Variants in C9 observed in about 807,000 individuals in gnomAD.
C9 encodes complement component C9.
A neutral mutation model predicts 65.4 loss-of-function variants in C9; 63 were observed. The ratio of observed to expected loss-of-function variants is 0.96; its 90% CI spans 0.79 to 1.19. The LOEUF is 1.19. C9 is among the 50% of genes most tolerant of loss of function. The pLI is 0.00. For synonymous variants in C9, 229 were observed against 227.9 expected (o/e 1.00, Z -0.04); for missense variants, 744 against 670.1 (o/e 1.11, Z -1.22).
intron 1 of C9, among the ~76,000 whole-genome samples, chr5:39,353,594 C>T (rs932990054): frequency 1.3e-5 from 2 of 152,166 alleles, no homozygotes; most frequent in African/African-American, 4.8e-5. Context: ...TTTCTATATA[C>T]ATATTCTTAT....
At chr5:39,347,484 C>G (rs907507987) in intron 1 of C9, among the ~76,000 whole-genome samples, 1 of 152,158 alleles carries the variant, frequency 6.6e-6, no homozygotes, top group Non-Finnish European at 1.5e-5. Context: ...AGGACCTCTT[C>G]AAAGAGAACT....
At chr5:39,348,594 A>C (rs1554051555) in intron 1 of C9, among the ~76,000 whole-genome samples, 1 of 152,168 alleles carries the variant, frequency 6.6e-6, no homozygotes, top group Non-Finnish European at 1.5e-5. Context: ...TAGTTCAACC[A>C]TTGTGGAAGT....
intron 5 of C9, among the ~76,000 whole-genome samples, chr5:39,318,861 C>A (rs1208367332): frequency 6.6e-6 from 1 of 152,138 alleles, no homozygotes; most frequent in Non-Finnish European, 1.5e-5. Flanking sequence ...TAACCATTGC[C>A]ACTTCCCTAC....
chr5:39,290,380 C>T (rs1753066833), intron 9 of C9, among the ~76,000 whole-genome samples: 1 of 151,716 alleles, frequency 6.6e-6, no homozygotes. Flanking sequence ...AATAGAGGCA[C>T]TTTGGTGGCA....
chr5:39,298,284 A>C (rs1048382004), intron 9 of C9, among the ~76,000 whole-genome samples: 1 of 151,604 alleles, frequency 6.6e-6, no homozygotes, highest in African/African-American at 2.4e-5. Flanking sequence ...AAATTTAAGT[A>C]CAAAGCATAA....
At chr5:39,285,408 G>A (rs565504592) in intron 10 of C9, among the ~76,000 whole-genome samples, 175 bp from the exon 11 acceptor site, 1 of 152,096 alleles carries the variant, frequency 6.6e-6, no homozygotes, top group East Asian at 1.9e-4. Flanking sequence ...TACCAGAAAG[G>A]GCTATTTGTC....
At chr5:39,360,992 T>C (rs1278578880) in intron 1 of C9, among the ~76,000 whole-genome samples, 2 of 152,292 alleles carry the variant, frequency 1.3e-5, no homozygotes, top group East Asian at 3.9e-4. Flanking sequence ...TGCAACATTA[T>C]TTCTAGTGCG....
intron 5 of C9, among the ~76,000 whole-genome samples, chr5:39,316,569 C>T (rs1410474325): frequency 6.6e-6 from 1 of 152,140 alleles, no homozygotes; most frequent in Non-Finnish European, 1.5e-5. Flanking sequence ...GATCATTCAG[C>T]TCCCACTTAC....
intron 9 of C9, among the ~76,000 whole-genome samples, chr5:39,295,477 C>CT (rs765935922): frequency 6.6e-6 from 1 of 151,438 alleles, no homozygotes; most frequent in African/African-American, 2.4e-5. Flanking sequence ...AAAGAAGATA[C>CT]TGAGGAATAA....
chr5:39,291,535 A>T (rs1479600244), intron 9 of C9, among the ~76,000 whole-genome samples: 1 of 151,848 alleles, frequency 6.6e-6, no homozygotes, highest in African/African-American at 2.4e-5. Context: ...GACTGAGAAT[A>T]TTCCAGACCT....
chr5:39,324,812 A>G (rs1753720990), intron 5 of C9, among the ~76,000 whole-genome samples: 1 of 152,210 alleles, frequency 6.6e-6, no homozygotes, highest in Non-Finnish European at 1.5e-5. Context: ...AAGCAGAAAA[A>G]CACAAAGATG....
intron 4 of C9, among the ~76,000 whole-genome samples, chr5:39,335,088 G>T (rs971288554): frequency 6.6e-6 from 1 of 151,940 alleles, no homozygotes; most frequent in African/African-American, 2.4e-5. Context: ...GGAAGCAAAT[G>T]ACCTGGGTTG....
At chr5:39,298,763 C>A (rs535999802) in intron 9 of C9, among the ~76,000 whole-genome samples, 52 of 151,756 alleles carry the variant, frequency 3.4e-4, no homozygotes, top group Admixed American at 2.8e-3. Flanking sequence ...TACTTTGATA[C>A]CAAAACCAAA....
At chr5:39,330,363 C>A (rs780181403) in intron 5 of C9, among the ~76,000 whole-genome samples, 1 of 152,144 alleles carries the variant, frequency 6.6e-6, no homozygotes, top group South Asian at 2.1e-4. Context: ...CCTTTCCAAA[C>A]GTGGCTTCAA....
At chr5:39,350,884 A>G (rs967233533) in intron 1 of C9, among the ~76,000 whole-genome samples, 8 of 152,218 alleles carry the variant, frequency 5.3e-5, no homozygotes, top group African/African-American at 1.9e-4. Context: ...TCTACTAGGC[A>G]GTGCCCCAGT....
chr5:39,298,655 T>C (rs1753230157), intron 9 of C9, among the ~76,000 whole-genome samples: 1 of 151,800 alleles, frequency 6.6e-6, no homozygotes, highest in Admixed American at 6.6e-5. Context: ...GCATTATTGG[T>C]GAATTCTACA....
chr5:39,289,132 C>A (rs1003371116), intron 9 of C9, among the ~76,000 whole-genome samples, 181 bp from the exon 10 acceptor site: 1 of 151,404 alleles, frequency 6.6e-6, no homozygotes, highest in African/African-American at 2.4e-5. Flanking sequence ...TGACTGCTAT[C>A]AGGGAGGTCA....
chr5:39,318,189 C>T (rs1753604999), intron 5 of C9, among the ~76,000 whole-genome samples: 1 of 151,726 alleles, frequency 6.6e-6, no homozygotes, highest in Admixed American at 6.6e-5. Flanking sequence ...CAATTTTTGC[C>T]CATTAATTTT....
At chr5:39,285,299 C>T in intron 10 of C9, 66 bp from the exon 11 acceptor site, 1 of 1,308,370 alleles carries the variant, frequency 7.6e-7, no homozygotes, top group Non-Finnish European at 1.1e-6. Flanking sequence ...TCCATCCACC[C>T]ATCCGCTTTT....
Sources: gnomAD v4.1 joint callset for allele counts (sites outside exome capture counted in the v4.1 genomes callset) on GRCh38, gnomAD v4.1.1 for gene constraint, MANE v1.5 for transcripts, NCBI Gene and HGNC (gene_info 2026-07-23, HGNC 2026-07-21) for gene names.